TRAPPC10: variants seen among roughly 807,000 people sequenced by gnomAD.
TRAPPC10 encodes the protein TRAPP 130 kDa subunit.
TRAPPC10 carries 23 observed loss-of-function variants against 125.5 expected under a neutral mutation model. The observed-to-expected ratio is 0.18, with a 90% confidence interval of 0.13 to 0.26. TRAPPC10 has a LOEUF of 0.26. Ranked by LOEUF, TRAPPC10 falls within the 10% of genes least tolerant of loss-of-function variation. TRAPPC10 has a pLI of 1.00. For synonymous variants in TRAPPC10, 509 were observed against 518.0 expected (o/e 0.98, Z 0.24); for missense variants, 1,123 against 1,308.4 (o/e 0.86, Z 2.19).
intron 7 of TRAPPC10, among the ~76,000 whole-genome samples, chr21:44,071,144 T>C (rs2036836491): frequency 6.6e-6 from 1 of 152,348 alleles, no homozygotes; most frequent in African/African-American, 2.4e-5. Flanking sequence ...ACATGCTGTG[T>C]GATTTCATTA....
At chr21:44,037,253 G>A (rs1306359161) in intron 2 of TRAPPC10, among the ~76,000 whole-genome samples, 1 of 152,152 alleles carries the variant, frequency 6.6e-6, no homozygotes, top group Non-Finnish European at 1.5e-5. Flanking sequence ...TTCTTGATGG[G>A]TTCCTTCTTC....
At chr21:44,017,838 G>A (rs976398868) in intron 1 of TRAPPC10, among the ~76,000 whole-genome samples, 7 of 151,970 alleles carry the variant, frequency 4.6e-5, no homozygotes, top group African/African-American at 1.7e-4. Flanking sequence ...GTGGAGCCCT[G>A]ATCTGATGTT....
At chr21:44,077,886 T>C (rs2037403518) in intron 11 of TRAPPC10, 102 bp downstream of exon 11, 2 of 842,436 alleles carry the variant, frequency 2.4e-6, no homozygotes, top group South Asian at 2.2e-5. Flanking sequence ...ATTTGTAGAC[T>C]GAAAAGTGTA....
chr21:44,072,854 C>T (rs925374053), intron 7 of TRAPPC10, among the ~76,000 whole-genome samples: 5 of 152,172 alleles, frequency 3.3e-5, no homozygotes, highest in South Asian at 2.1e-4. Flanking sequence ...ATGGTGGTAG[C>T]GTCTTGGGAG....
chr21:44,023,294 C>T (rs1162143382), intron 1 of TRAPPC10, among the ~76,000 whole-genome samples: 1 of 152,046 alleles, frequency 6.6e-6, no homozygotes, highest in Admixed American at 6.6e-5. Context: ...CTCAGCCTCC[C>T]AAAGTGCTGG....
At chr21:44,016,710 G>C (rs2031881519) in intron 1 of TRAPPC10, among the ~76,000 whole-genome samples, 1 of 152,144 alleles carries the variant, frequency 6.6e-6, no homozygotes, top group Non-Finnish European at 1.5e-5. Flanking sequence ...CCAGGCTGGA[G>C]TGCAGTGGTG....
chr21:44,076,520 T>G (rs2037295983), intron 9 of TRAPPC10, 32 bp from the exon 10 acceptor site: 2 of 1,560,670 alleles, frequency 1.3e-6, no homozygotes, highest in African/African-American at 1.4e-5. Flanking sequence ...ATGATGAAGA[T>G]GAAGAGGGAC....
chr21:44,048,682 C>T (rs1411524782), intron 3 of TRAPPC10, among the ~76,000 whole-genome samples: 3 of 151,636 alleles, frequency 2.0e-5, no homozygotes, highest in East Asian at 1.9e-4. Flanking sequence ...TTCATAGAGA[C>T]GGGGTTTCAC....
At chr21:44,024,074 C>T (rs1288668392) in intron 1 of TRAPPC10, among the ~76,000 whole-genome samples, 2 of 152,244 alleles carry the variant, frequency 1.3e-5, no homozygotes, top group African/African-American at 2.4e-5. Context: ...GCGTGAGCCA[C>T]CGCACCAGCC....
intron 7 of TRAPPC10, among the ~76,000 whole-genome samples, chr21:44,070,056 A>G (rs1310848049): frequency 1.3e-5 from 2 of 152,064 alleles, no homozygotes; most frequent in Non-Finnish European, 2.9e-5. Flanking sequence ...AAGCTACACC[A>G]GTCTGCTGTG....
chr21:44,059,482 C>T lies in TRAPPC10; in HGVS notation c.790+268C>T, dbSNP rs1337047273. 2.7e-6 allele frequency: 2 copies of T among 753,368 alleles called. No homozygotes were observed. Among genetic ancestry groups the T allele is most frequent in the African/African-American group, 3.4e-5 (2 of 58,448 alleles). 46.7% of individuals were successfully genotyped at this position (753,368 alleles called of 1,614,324 possible). A position where few individuals can be genotyped will look rare whatever the true frequency, so the allele number is the denominator to read the frequency against. On this transcript the variant is annotated intron_variant, in intron 6 of 22. Transcript: ENST00000291574. The surrounding 1 kb of genome is among the most constrained non-coding windows in gnomAD (Gnocchi z 4.4). ...TTTTCCAGGTATAAAATGTCCTTTC[C>T]ACAACTCAGTGGCCTGCTGGTGATG...
intron 19 of TRAPPC10, among the ~76,000 whole-genome samples, 164 bp downstream of exon 19, chr21:44,092,213 G>A (rs3788104): frequency 0.23 from 34,436 of 152,210 alleles, 4,345 homozygotes; most frequent in African/African-American, 0.34. Context: ...CTGGATCGAG[G>A]CTTGCTCCTG....
Position 44,018,324 on chromosome 21 carries a change from G to A in TRAPPC10, c.67+5764G>A, listed in dbSNP as rs1239338441. Reference sequence around the variant, plus strand: ...GGAGGCCGAGGCGGGAGGATCACTTGGACCTGGGACGTCAAGGCTGCAGTG... The same window carrying A: ...GGAGGCCGAGGCGGGAGGATCACTTAGACCTGGGACGTCAAGGCTGCAGTG... On this transcript the variant is annotated intron_variant, in intron 1 of 22. Coordinates refer to ENST00000291574, the MANE Select transcript of TRAPPC10 (RefSeq NM_003274.5). 2.6e-5 allele frequency among the ~76,000 whole-genome samples: 4 copies of A among 151,998 alleles called. No homozygotes were observed. In the East Asian group the frequency reaches 7.7e-4, roughly 29 times the overall value.
chr21:44,078,756 T>C (rs1407377340), intron 11 of TRAPPC10, among the ~76,000 whole-genome samples: 1 of 152,178 alleles, frequency 6.6e-6, no homozygotes, highest in Non-Finnish European at 1.5e-5. Flanking sequence ...TCCTTGTTGC[T>C]CCTGAGGCTT....
In TRAPPC10 at chr21:44,032,188, T is replaced by C; in HGVS notation, c.149+16T>C. 6 of 1,604,294 alleles carry C rather than the reference T, an allele frequency of 3.7e-6. No individual in the cohort carries two copies. The highest frequency in any genetic ancestry group is 5.1e-6 in the Non-Finnish European group (6 of 1,173,816). On this transcript the variant is annotated intron_variant, in intron 2 of 22. Coordinates refer to ENST00000291574, the MANE Select transcript of TRAPPC10 (RefSeq NM_003274.5). ...AATGGAGAAGGTATGAGTTGTGTGTTTTTTGGCTGTATCCCTCTCTTCATT... is the reference window on the plus strand; with the variant it reads ...AATGGAGAAGGTATGAGTTGTGTGTCTTTTGGCTGTATCCCTCTCTTCATT...
intron 1 of TRAPPC10, among the ~76,000 whole-genome samples, chr21:44,026,447 C>T (rs9981086): frequency 0.11 from 16,179 of 152,074 alleles, 1,455 homozygotes; most frequent in African/African-American, 0.25. Flanking sequence ...ATGTTTTTAT[C>T]GTCCATTTGA....
chr21:44,089,760 C>T, intron 17 of TRAPPC10, 73 bp from the exon 18 acceptor site: 1 of 1,171,036 alleles, frequency 8.5e-7, no homozygotes, highest in East Asian at 2.4e-5. Flanking sequence ...GCAGGTGAGT[C>T]TGGGCAGCAG....
chr21:44,020,347 C>T (rs185270794), intron 1 of TRAPPC10, among the ~76,000 whole-genome samples: 11 of 152,098 alleles, frequency 7.2e-5, no homozygotes, highest in East Asian at 3.9e-4. Flanking sequence ...AGGATGGTCT[C>T]GATCTCCTGA....
At chr21:44,032,368 G>A (rs2020947) in intron 2 of TRAPPC10, among the ~76,000 whole-genome samples, 196 bp downstream of exon 2, 55,898 of 148,338 alleles carry the variant, frequency 0.38, 15,219 homozygotes, top group African/African-American at 0.78. Flanking sequence ...TTTATGGAAT[G>A]CCATGGTTTT....
Sources: gnomAD v4.1 joint callset for allele counts (sites outside exome capture counted in the v4.1 genomes callset) on GRCh38, gnomAD v4.1.1 for gene constraint, Gnocchi (gnomAD v3.1) non-coding constraint, MANE v1.5 for transcripts, NCBI Gene and HGNC (gene_info 2026-07-23, HGNC 2026-07-21) for gene names.